Variants in AUTS2 observed in about 807,000 individuals in gnomAD.
AUTS2 encodes the protein activator of transcription and developmental regulator AUTS2.
AUTS2 carries 17 observed loss-of-function variants against 112.4 expected under a neutral mutation model. The ratio of observed to expected loss-of-function variants is 0.15; its 90% CI spans 0.10 to 0.23. The LOEUF is 0.23. AUTS2 is among the 10% of genes least tolerant of loss of function. The probability of loss-of-function intolerance (pLI) is 1.00; values close to 1 mark genes in which losing one functional copy is unlikely to be tolerated. For synonymous variants in AUTS2, 751 were observed against 702.7 expected (o/e 1.07, Z -1.09); for missense variants, 1,510 against 1,701.6 (o/e 0.89, Z 1.98).
intron 5 of AUTS2, among the ~76,000 whole-genome samples, chr7:70,554,370 C>CTT (rs947429302): frequency 7.0e-6 from 1 of 143,244 alleles, no homozygotes; most frequent in African/African-American, 2.6e-5. Context: ...TGCCCGGCCT[C>CTT]TTTTTTTTCT....
chr7:70,156,649 A>G (rs757867450), intron 4 of AUTS2, among the ~76,000 whole-genome samples: 1 of 151,992 alleles, frequency 6.6e-6, no homozygotes, highest in Non-Finnish European at 1.5e-5. Context: ...AGACCTCACC[A>G]CTTCCAGTTA....
At chr7:69,800,891 C>A (rs1584264973) in intron 1 of AUTS2, among the ~76,000 whole-genome samples, 1 of 152,168 alleles carries the variant, frequency 6.6e-6, no homozygotes. Flanking sequence ...TACTTCTTAC[C>A]CCCTCACCTT....
rs1791574444 is a variant in AUTS2, at chr7:70,787,353, G to C, written c.2453G>C (p.Ser818Thr). The change falls in exon 18 of 19, where the codon AGC becomes ACC. Residue 818 changes from serine to threonine, a missense_variant. Ser to Thr is a moderately conservative substitution (Grantham distance 58). Coordinates refer to ENST00000342771, the MANE Select transcript of AUTS2 (RefSeq NM_015570.4). The stretch of plus-strand genomic sequence containing the variant: ...CTGAAGCCAGGGGAGCTGGAGCGCA[G>C]CGCGTCCGCTGCAGCTCATGACAGA... ...PWLKPGELERSASAAAHDRDR... is the reference protein window; with the variant it reads ...PWLKPGELERTASAAAHDRDR... 1 of 1,614,066 alleles carries C rather than the reference G, an allele frequency of 6.2e-7. No individual in the cohort carries two copies. Among genetic ancestry groups the C allele is most frequent in the African/African-American group, 1.3e-5 (1 of 75,044 alleles).
Position 69,838,133 on chromosome 7 carries a change from A to G in AUTS2, c.310-61153A>G, listed in dbSNP as rs183124445. ...GGTATCTGACAACTGGAGGGGTTATATATGTGCCCCCATATTCTGATCAAG... is the reference window on the plus strand; with the variant it reads ...GGTATCTGACAACTGGAGGGGTTATGTATGTGCCCCCATATTCTGATCAAG... On this transcript the variant is annotated intron_variant, in intron 1 of 18. Transcript: ENST00000342771. 5.1e-3 allele frequency among the ~76,000 whole-genome samples: 773 copies of G among 152,282 alleles called. 3 individuals are homozygous for G. The highest frequency in any genetic ancestry group is 5.8e-3 in the Non-Finnish European group (393 of 68,024).
chr7:70,553,384 A>G (rs1274630703), intron 5 of AUTS2, among the ~76,000 whole-genome samples: 1 of 152,236 alleles, frequency 6.6e-6, no homozygotes, highest in African/African-American at 2.4e-5. Flanking sequence ...GCAAGGGGGA[A>G]AATGACACTT....
chr7:69,768,683 G>T (rs1788534331), intron 1 of AUTS2, among the ~76,000 whole-genome samples: 1 of 152,176 alleles, frequency 6.6e-6, no homozygotes, highest in Admixed American at 6.5e-5. Flanking sequence ...TCGAATGATA[G>T]AAAAGGTTAT....
intron 2 of AUTS2, among the ~76,000 whole-genome samples, chr7:70,109,963 T>C (rs547503883): frequency 1.3e-5 from 2 of 152,178 alleles, no homozygotes; most frequent in Non-Finnish European, 2.9e-5. Context: ...ACACTGCCTT[T>C]TACACTTCCA....
At chr7:69,946,462 C>T (rs1005665381) in intron 2 of AUTS2, among the ~76,000 whole-genome samples, 1 of 151,850 alleles carries the variant, frequency 6.6e-6, no homozygotes, top group African/African-American at 2.4e-5. Context: ...ATCTGCACTA[C>T]CATGTTCATT....
chr7:70,050,588 G>A (rs563675449), intron 2 of AUTS2, among the ~76,000 whole-genome samples: 2 of 152,008 alleles, frequency 1.3e-5, no homozygotes, highest in Non-Finnish European at 2.9e-5. Context: ...CTTGGATTTA[G>A]GCATATGGAT....
At chr7:69,682,192 T>C (rs1204819970) in intron 1 of AUTS2, among the ~76,000 whole-genome samples, 1 of 152,254 alleles carries the variant, frequency 6.6e-6, no homozygotes, top group Non-Finnish European at 1.5e-5. Context: ...AGCTTTAGAC[T>C]TTCTGAAGAT....
intron 2 of AUTS2, among the ~76,000 whole-genome samples, chr7:69,904,875 C>G (rs1248816865): frequency 6.6e-6 from 1 of 152,068 alleles, no homozygotes; most frequent in Admixed American, 6.5e-5. Context: ...TATGATCTCT[C>G]TTTGGAATAT....
chr7:70,187,918 G>A (rs1475739103), intron 4 of AUTS2, among the ~76,000 whole-genome samples: 8 of 151,786 alleles, frequency 5.3e-5, no homozygotes, highest in Admixed American at 2.6e-4. Flanking sequence ...TTGGGCAATC[G>A]TTGCCTCTGC....
chr7:69,921,041 G>C (rs568657980), intron 2 of AUTS2, among the ~76,000 whole-genome samples: 1 of 152,258 alleles, frequency 6.6e-6, no homozygotes, highest in African/African-American at 2.4e-5. Flanking sequence ...CTGTATTTGT[G>C]ATCTTGGGCT....
At chr7:70,591,226 C>A (rs1414391360) in intron 5 of AUTS2, among the ~76,000 whole-genome samples, 1 of 150,066 alleles carries the variant, frequency 6.7e-6, no homozygotes, top group African/African-American at 2.4e-5. Context: ...CTGAATGTGA[C>A]ACCAGACGTG....
rs1197464618 is a variant in AUTS2 at position 70,332,892 on chromosome 7, A to G, written c.661-102860A>G. Among the ~76,000 whole-genome samples the G allele has an allele frequency of 2.0e-5, 3 of 152,234 alleles. No individual in the cohort carries two copies. In the East Asian group the frequency reaches 5.8e-4, roughly 29 times the overall value. The stretch of plus-strand genomic sequence containing the variant: ...GAAAACCTAAGCAATACCATTCAGG[A>G]CATAGACATGGGCAAAGACTTCATG... On this transcript the variant is annotated intron_variant, in intron 4 of 18. Transcript: ENST00000342771.
At chr7:70,423,834 T>C (rs1165344913) in intron 4 of AUTS2, among the ~76,000 whole-genome samples, 1 of 152,190 alleles carries the variant, frequency 6.6e-6, no homozygotes, top group African/African-American at 2.4e-5. Context: ...TAGCATAGTA[T>C]TGAGTCTTTA....
chr7:70,353,016 A>T (rs181999186), intron 4 of AUTS2, among the ~76,000 whole-genome samples: 1 of 152,142 alleles, frequency 6.6e-6, no homozygotes, highest in East Asian at 1.9e-4. Flanking sequence ...ATTCAGTGAC[A>T]CTCATTAGTT....
At chr7:70,074,552 G>C (rs1177408718) in intron 2 of AUTS2, among the ~76,000 whole-genome samples, 1 of 152,124 alleles carries the variant, frequency 6.6e-6, no homozygotes, top group African/African-American at 2.4e-5. Flanking sequence ...TTAAGGATTA[G>C]TGTCCTTGCA....
At chr7:70,414,586 A>G (rs944960141) in intron 4 of AUTS2, among the ~76,000 whole-genome samples, 2 of 152,152 alleles carry the variant, frequency 1.3e-5, no homozygotes, top group African/African-American at 2.4e-5. Context: ...GACGTTTAGC[A>G]GTGGGGAGAC....
Sources: allele counts gnomAD v4.1 joint callset (sites outside exome capture counted in the v4.1 genomes callset), GRCh38; gene constraint gnomAD v4.1.1; transcripts MANE v1.5; gene names NCBI Gene and HGNC (gene_info 2026-07-23, HGNC 2026-07-21).